NLRP5: variants seen among roughly 807,000 people sequenced by gnomAD.
The protein encoded by NLRP5 is NACHT, LRR and PYD domains-containing protein 5.
Under a neutral mutation model 113.1 loss-of-function variants are expected in NLRP5, and 93 were observed. The observed-to-expected ratio is 0.82, with a 90% CI of 0.70 to 0.98. NLRP5 has a LOEUF of 0.98. NLRP5 is among the 50% of genes least tolerant of loss of function. The probability of loss-of-function intolerance (pLI) is 0.00; values close to 1 mark genes in which losing one functional copy is unlikely to be tolerated. For missense variants in NLRP5, 1,808 were observed against 1,514.3 expected, an observed-to-expected ratio of 1.19 and a Z score of -3.22; for synonymous variants, 751 against 600.7, an observed-to-expected ratio of 1.25 and a Z score of -3.66.
In NLRP5 at chr19:56,041,109, C is replaced by G. The variant is rs1032318749; in HGVS notation, c.2957+17C>G. ...GAGGCTGATGTGAGTCTGGCTTGCT[C>G]CCCTGCAAGGACTTCCTAGCTTTCT... is the stretch of plus-strand genomic sequence containing the variant. On this transcript the variant is annotated intron_variant, in intron 11 of 14. Coordinates refer to ENST00000390649, the MANE Select transcript of NLRP5 (RefSeq NM_153447.4). 11 of 1,612,442 alleles carry G rather than the reference C, an allele frequency of 6.8e-6. No individual in the cohort carries two copies. In the African/African-American group the frequency reaches 1.1e-4, roughly 16 times the overall value.
rs1373139418 is a variant in NLRP5, at chr19:56,007,952, TCTGTCGCCCAGGCTGGG to T, written c.443-824_443-808del. Among the ~76,000 whole-genome samples, 7 of 135,720 alleles carry T rather than the reference TCTGTCGCCCAGGCTGGG, an allele frequency of 5.2e-5. No individual in the cohort carries two copies. In the East Asian group the frequency reaches 5.9e-4, roughly 11 times the overall value. 89.0% of individuals were successfully genotyped at this position (135,720 alleles called of 152,430 possible). The stretch of plus-strand genomic sequence containing the variant: ...GTGTGTGTTTGAAACAGAGTCTTGC[TCTGTCGCCCAGGCTGGG>T]CTGTCGCCCAGTGCAGTGGCGCGAT... On this transcript the variant is annotated intron_variant, in intron 2 of 14. Transcript: ENST00000390649.
chr19:56,007,557 G>A (rs1194448012), intron 2 of NLRP5, among the ~76,000 whole-genome samples: 1 of 151,028 alleles, frequency 6.6e-6, no homozygotes, highest in Non-Finnish European at 1.5e-5. Context: ...GGTTTGGCTG[G>A]GCCACGGAGA....
chr19:56,026,305 C>T (rs367785939), intron 6 of NLRP5, among the ~76,000 whole-genome samples: 1 of 151,668 alleles, frequency 6.6e-6, no homozygotes. Flanking sequence ...GAGGTGGGTA[C>T]ATCACTAGGT....
At chr19:56,040,819 C>T in intron 10 of NLRP5, 103 bp from the exon 11 acceptor site, 1 of 971,592 alleles carries the variant, frequency 1.0e-6, no homozygotes, top group Admixed American at 2.7e-5. Context: ...AAGGACATGC[C>T]AACTATGGGG....
At chr19:56,005,218 T>C (rs140537876) in intron 2 of NLRP5, among the ~76,000 whole-genome samples, 2,828 of 141,858 alleles carry the variant, frequency 0.02, 95 homozygotes, top group African/African-American at 0.068. Flanking sequence ...CATACACACA[T>C]ATACACATAT....
chr19:56,005,641 C>CGT (rs1981877020), intron 2 of NLRP5, among the ~76,000 whole-genome samples: 1 of 117,980 alleles, frequency 8.5e-6, no homozygotes, highest in East Asian at 3.0e-4. Context: ...CACACACACA[C>CGT]ACGCGCGCAG....
intron 4 of NLRP5, among the ~76,000 whole-genome samples, chr19:56,016,161 T>C (rs142616578): frequency 4.3e-4 from 65 of 152,140 alleles, no homozygotes; most frequent in Non-Finnish European, 9.1e-4. Context: ...TTTACTTATT[T>C]ATTTATTTTG....
the NLRP5 span, among the ~76,000 whole-genome samples, chr19:55,993,007 G>C: frequency 6.6e-6 from 1 of 151,888 alleles, no homozygotes; most frequent in Non-Finnish European, 1.5e-5. Context: ...CTGCCACCAT[G>C]CCTGGCTAAT....
At chr19:56,043,830 G>A (rs1402297255) in intron 11 of NLRP5, among the ~76,000 whole-genome samples, 4 of 151,548 alleles carry the variant, frequency 2.6e-5, no homozygotes, top group African/African-American at 9.7e-5. Flanking sequence ...GCCCTCCTCA[G>A]CCTCCCAAAG....
At chr19:56,015,877 G>A (rs1446189407) in intron 4 of NLRP5, 79 bp downstream of exon 4, 10 of 1,070,166 alleles carry the variant, frequency 9.3e-6, no homozygotes, top group African/African-American at 3.2e-5. Context: ...TTCAAAGGAC[G>A]GGGAAATCCA....
At chr19:56,012,865 G>T (rs1982251280) in intron 3 of NLRP5, among the ~76,000 whole-genome samples, 1 of 152,158 alleles carries the variant, frequency 6.6e-6, no homozygotes, top group Non-Finnish European at 1.5e-5. Context: ...GTGTTTGAGT[G>T]AACTGGTCTG....
chr19:56,001,275 T>C (rs552796363), intron 1 of NLRP5, among the ~76,000 whole-genome samples: 1 of 138,974 alleles, frequency 7.2e-6, no homozygotes, highest in Non-Finnish European at 1.5e-5. Flanking sequence ...CAGTGAGCTG[T>C]GACTGCACCA....
chr19:56,048,979 ATT>A (rs60229740), intron 11 of NLRP5, among the ~76,000 whole-genome samples: 20,613 of 92,810 alleles, frequency 0.22, 1,185 homozygotes, highest in East Asian at 0.39. Flanking sequence ...TTTTTTTTTA[ATT>A]TTTTTTTTTT....
intron 1 of NLRP5, among the ~76,000 whole-genome samples, chr19:56,000,596 C>T (rs1377561123): frequency 1.3e-5 from 2 of 151,736 alleles, no homozygotes; most frequent in Non-Finnish European, 2.9e-5. Context: ...GATCTCCTGA[C>T]CTCATGATCC....
At chr19:56,060,927 T>C (rs1222333936) in intron 14 of NLRP5, among the ~76,000 whole-genome samples, 2 of 152,076 alleles carry the variant, frequency 1.3e-5, no homozygotes, top group African/African-American at 2.4e-5. Context: ...AAGGCAGCAT[T>C]ATTATTAGAA....
intron 5 of NLRP5, 91 bp downstream of exon 5, chr19:56,019,489 T>A (rs1982534079): frequency 7.2e-7 from 1 of 1,388,326 alleles, no homozygotes. Flanking sequence ...GGGTATGTAG[T>A]TTAGATTGCC....
intron 11 of NLRP5, among the ~76,000 whole-genome samples, chr19:56,048,011 G>A (rs563162165): frequency 5.9e-5 from 9 of 152,116 alleles, no homozygotes; most frequent in African/African-American, 2.2e-4. Context: ...TTGCTTTAAC[G>A]TTTGTTTCAT....
Position 56,027,266 on chromosome 19 carries a change from G to C in NLRP5, c.1033G>C (p.Ala345Pro). 1 of 1,612,166 alleles carries C rather than the reference G, an allele frequency of 6.2e-7. No individual in the cohort carries two copies. The highest frequency in any genetic ancestry group is 1.7e-4 in the Middle Eastern group (1 of 6,060). Residue 345 changes from alanine to proline, a missense_variant, in exon 7 of 15, where the codon GCT (alanine) becomes CCT (proline). Coordinates refer to ENST00000390649, the MANE Select transcript of NLRP5 (RefSeq NM_153447.4). ...CTCCAGGGAGTGGCCAGACTCCCAG[G>C]CTCCGGTGACGGAGATCATGTCCCG...
chr19:56,037,802 G>A (rs1325161583), intron 9 of NLRP5, among the ~76,000 whole-genome samples: 1 of 151,908 alleles, frequency 6.6e-6, no homozygotes, highest in Non-Finnish European at 1.5e-5. Context: ...CCCGAAAGGC[G>A]ACCTTCAAGA....
Sources: gnomAD v4.1 joint callset for allele counts (sites outside exome capture counted in the v4.1 genomes callset) on GRCh38, gnomAD v4.1.1 for gene constraint, MANE v1.5 for transcripts, NCBI Gene and HGNC (gene_info 2026-07-23, HGNC 2026-07-21) for gene names.